ORMDL1: variants seen among roughly 807,000 people sequenced by gnomAD.
ORMDL1 encodes ORMDL sphingolipid biosynthesis regulator 1, also known as ORM1-like protein 1.
A neutral mutation model predicts 13.0 loss-of-function variants in ORMDL1; 10 were observed. The observed-to-expected ratio is 0.77, with a 90% CI of 0.47 to 1.30. The LOEUF is 1.30. Among genes scored for constraint, ORMDL1 ranks in the 50% most tolerant of loss-of-function variants. ORMDL1 has a pLI of 0.00. For synonymous variants in ORMDL1, 61 were observed against 63.9 expected (o/e 0.95, Z 0.22); for missense variants, 171 against 186.7 (o/e 0.92, Z 0.49).
chr2:189,767,864 A>G (rs2047508670), downstream of ORMDL1, among the ~76,000 whole-genome samples: 1 of 152,214 alleles, frequency 6.6e-6, no homozygotes, highest in East Asian at 1.9e-4. Flanking sequence ...AATATTTCAG[A>G]TTTTGAAAAA....
intron 1 of ORMDL1, chr2:189,783,709 C>T (rs943756348): frequency 2.6e-5 from 4 of 152,294 alleles, no homozygotes; most frequent in Non-Finnish European, 4.4e-5. Flanking sequence ...ATACTTAGAA[C>T]ATGCCAACAC....
chr2:189,764,504 G>C, the ORMDL1 span: 1 of 152,136 alleles, frequency 6.6e-6, no homozygotes, highest in Admixed American at 6.6e-5. Context: ...TCCCTTGACC[G>C]AATATATGTA....
chr2:189,771,315 G>C lies in ORMDL1; in HGVS notation c.*452C>G, dbSNP rs2047574727. 6.6e-6 allele frequency: 1 copy of C among 152,324 alleles called. No individual in the cohort carries two copies. The highest frequency in any genetic ancestry group is 2.4e-5 in the African/African-American group (1 of 41,418). 9.4% of individuals were successfully genotyped at this position (152,324 alleles called of 1,614,324 possible). A position where few individuals can be genotyped will look rare whatever the true frequency, so the allele number is the denominator to read the frequency against. On this transcript the variant is annotated 3_prime_UTR_variant, in exon 5 of 5. Transcript: ENST00000392349. ...TTACATAAAACGAGAAATATGTACGGTAATAAAAATAATCTTTAATAAACT... is the reference window on the plus strand; with the variant it reads ...TTACATAAAACGAGAAATATGTACGCTAATAAAAATAATCTTTAATAAACT...
intron 3 of ORMDL1, among the ~76,000 whole-genome samples, chr2:189,776,999 T>C (rs2047711687): frequency 1.3e-5 from 2 of 152,188 alleles, no homozygotes; most frequent in Admixed American, 6.5e-5. Flanking sequence ...AGGTTCCTTG[T>C]TGCTGTGCCA....
At chr2:189,775,358 A>G in intron 4 of ORMDL1, 3 of 490,120 alleles carry the variant, frequency 6.1e-6, no homozygotes, top group East Asian at 3.4e-5. Context: ...AGCATGTAAT[A>G]TTGTCTCCGT....
intron 3 of ORMDL1, among the ~76,000 whole-genome samples, chr2:189,775,955 G>A (rs1217210609): frequency 6.6e-6 from 1 of 152,036 alleles, no homozygotes; most frequent in East Asian, 1.9e-4. Flanking sequence ...TAACCTGTTT[G>A]CATTTCTATT....
At chr2:189,768,927 T>C (rs561278961), downstream of ORMDL1, among the ~76,000 whole-genome samples, 10 of 152,352 alleles carry the variant, frequency 6.6e-5, no homozygotes, top group African/African-American at 2.2e-4. Context: ...AAGTTATCTT[T>C]AAATACTTGA....
At position 189,770,384 on chromosome 2, in the gene ORMDL1, G is replaced by A. The variant is rs111515439; in HGVS notation, c.*1383C>T. On this transcript the variant is annotated 3_prime_UTR_variant, in exon 5 of 5. Coordinates refer to ENST00000392349, the MANE Select transcript of ORMDL1 (RefSeq NM_016467.5). ...GATCACCAGTTATTTAAAAATACACGGGAAAAGACAGACATACAAAGGTAG... is the reference window on the plus strand; with the variant it reads ...GATCACCAGTTATTTAAAAATACACAGGAAAAGACAGACATACAAAGGTAG... 5.3e-5 allele frequency: 8 copies of A among 151,852 alleles called. No individual in the cohort carries two copies. Among genetic ancestry groups the A allele is most frequent in the Admixed American group, 3.3e-4 (5 of 15,240 alleles). The allele number at this position is 151,852 out of a possible 1,614,324, so 9.4% of individuals were successfully genotyped here. A position where few individuals can be genotyped will look rare whatever the true frequency, so the allele number is the denominator to read the frequency against.
intron 4 of ORMDL1, among the ~76,000 whole-genome samples, chr2:189,774,359 AT>A (rs1469173411): frequency 6.6e-6 from 1 of 152,158 alleles, no homozygotes; most frequent in Non-Finnish European, 1.5e-5. Context: ...GACTAAATCA[AT>A]TCAAAATTTC....
chr2:189,767,885 A>G (rs771594684), downstream of ORMDL1, among the ~76,000 whole-genome samples: 1 of 152,240 alleles, frequency 6.6e-6, no homozygotes, highest in Non-Finnish European at 1.5e-5. Context: ...ATTAAATACT[A>G]TAAACAACTT....
At chr2:189,765,839 A>ATTTTTTTTTTTTTTTTTTTTTTTTTTTT (rs72132150), downstream of ORMDL1, among the ~76,000 whole-genome samples, 2 of 106,750 alleles carry the variant, frequency 1.9e-5, no homozygotes, top group Non-Finnish European at 3.6e-5. Context: ...TACTTTCTCC[A>ATTTTTTTTTTTTTTTTTTTTTTTTTTTT]TTTTTTTTTT....
At chr2:189,775,886 A>G (rs563054158) in intron 3 of ORMDL1, among the ~76,000 whole-genome samples, 170 bp from the exon 4 acceptor site, 21 of 152,332 alleles carry the variant, frequency 1.4e-4, no homozygotes, top group African/African-American at 4.8e-4. Context: ...TTATAATAAA[A>G]TAGAACTTTC....
intron 3 of ORMDL1, among the ~76,000 whole-genome samples, chr2:189,777,850 GGT>G (rs2047732748): frequency 6.6e-6 from 1 of 151,956 alleles, no homozygotes. Context: ...TTTCTAACCG[GGT>G]GTAACAATTA....
chr2:189,784,176 C>T lies in ORMDL1; in HGVS notation c.-118+93G>A, dbSNP rs1353058279. ...GGGCGCCGCAGATGCAGCCGGAGCC[C>T]GCTTTTCCCTCTCAGGACGACCCCT... On this transcript the variant is annotated intron_variant, in intron 1 of 4. Transcript: ENST00000392349. 6 of 152,530 alleles carry T rather than the reference C, an allele frequency of 3.9e-5. No individual in the cohort carries two copies. In the East Asian group the frequency reaches 7.7e-4, roughly 20 times the overall value. The allele number at this position is 152,530 out of a possible 1,614,324, so 9.4% of individuals were successfully genotyped here.
intron 3 of ORMDL1, 54 bp from the exon 4 acceptor site, chr2:189,775,770 T>G: frequency 6.5e-7 from 1 of 1,543,166 alleles, no homozygotes; most frequent in Non-Finnish European, 8.8e-7. Flanking sequence ...AAAATTAGTC[T>G]TTGTCAGTAG....
intron 3 of ORMDL1, chr2:189,778,249 G>C: frequency 2.5e-6 from 1 of 393,390 alleles, no homozygotes; most frequent in Non-Finnish European, 5.0e-6. Context: ...ACAAAAATTA[G>C]CCAGGCATGG....
intron 3 of ORMDL1, among the ~76,000 whole-genome samples, chr2:189,781,213 G>A (rs142247377): frequency 1.8e-3 from 279 of 152,078 alleles, no homozygotes; most frequent in African/African-American, 6.3e-3. Context: ...ATGAGCCACC[G>A]TGACTGGCCA....
intron 3 of ORMDL1, among the ~76,000 whole-genome samples, chr2:189,776,426 A>G (rs903405005): frequency 1.3e-5 from 2 of 152,130 alleles, no homozygotes; most frequent in Non-Finnish European, 2.9e-5. Context: ...GAAAAAAACC[A>G]ATCTATAGAT....
intron 1 of ORMDL1, chr2:189,783,950 A>T (rs143023989): frequency 2.6e-5 from 4 of 152,230 alleles, no homozygotes; most frequent in African/African-American, 9.7e-5. Flanking sequence ...CCCTCAGGGG[A>T]GTCCCCCCTG....
Sources: allele counts gnomAD v4.1 joint callset (sites outside exome capture counted in the v4.1 genomes callset), GRCh38; gene constraint gnomAD v4.1.1; transcripts MANE v1.5; gene names NCBI Gene and HGNC (gene_info 2026-07-23, HGNC 2026-07-21).